The following FNDC3B variants were observed in gnomAD, a reference collection of about 807,000 sequenced individuals.
FNDC3B encodes fibronectin type III domain-containing protein 3B.
Under a neutral mutation model 151.5 loss-of-function variants are expected in FNDC3B, and 12 were observed. That is an observed-to-expected ratio of 0.08 (90% CI 0.05 to 0.13). The LOEUF (loss-of-function observed/expected upper bound fraction) is 0.13. FNDC3B is among the 10% of genes least tolerant of loss of function. FNDC3B has a pLI of 1.00. For missense variants in FNDC3B, 1,214 were observed against 1,505.3 expected, an observed-to-expected ratio of 0.81 and a Z score of 3.20; for synonymous variants, 528 against 549.0, an observed-to-expected ratio of 0.96 and a Z score of 0.54.
At chr3:172,283,819 A>T (rs1302555279) in intron 6 of FNDC3B, among the ~76,000 whole-genome samples, 3 of 152,190 alleles carry the variant, frequency 2.0e-5, no homozygotes, top group African/African-American at 7.2e-5. Context: ...ATGTGAGGGT[A>T]TGTCAACTTT....
chr3:172,341,726 G>C (rs574087662), intron 17 of FNDC3B, among the ~76,000 whole-genome samples: 1 of 152,314 alleles, frequency 6.6e-6, no homozygotes, highest in South Asian at 2.1e-4. Flanking sequence ...ACTGAGCTGA[G>C]TGGCACCTCC....
At chr3:172,266,867 G>C (rs928681955) in intron 6 of FNDC3B, among the ~76,000 whole-genome samples, 1 of 152,122 alleles carries the variant, frequency 6.6e-6, no homozygotes, top group Non-Finnish European at 1.5e-5. Flanking sequence ...ACTATTCCTT[G>C]CAGGGTAACA....
At chr3:172,071,051 T>C (rs1717753577) in intron 1 of FNDC3B, among the ~76,000 whole-genome samples, 1 of 152,200 alleles carries the variant, frequency 6.6e-6, no homozygotes, top group Non-Finnish European at 1.5e-5. Context: ...TTTTCTTATA[T>C]GTGGAAAAAA....
At chr3:172,365,633 A>G (rs904027228) in intron 23 of FNDC3B, among the ~76,000 whole-genome samples, 2 of 152,216 alleles carry the variant, frequency 1.3e-5, no homozygotes, top group African/African-American at 4.8e-5. Flanking sequence ...TTTCCCATCT[A>G]TTCTGGCTTA....
At chr3:172,299,782 C>T (rs1246579115) in intron 9 of FNDC3B, among the ~76,000 whole-genome samples, 1 of 152,046 alleles carries the variant, frequency 6.6e-6, no homozygotes, top group East Asian at 1.9e-4. Flanking sequence ...GTAGGAAGAG[C>T]GTATATGAAT....
chr3:172,351,796 G>A (rs1438913215), intron 21 of FNDC3B, among the ~76,000 whole-genome samples: 2 of 152,186 alleles, frequency 1.3e-5, no homozygotes, highest in African/African-American at 4.8e-5. Flanking sequence ...TGACTTGAGT[G>A]CTCTGAAGGA....
rs146422153 is a variant in FNDC3B, at chr3:172,234,133, A to T, written c.264+7186A>T. Among the ~76,000 whole-genome samples, 554 of 152,154 alleles carry T rather than the reference A, an allele frequency of 3.6e-3. 3 individuals are homozygous for T. Among genetic ancestry groups the T allele is most frequent in the African/African-American group, 0.013 (523 of 41,502 alleles). ...TTGATTTCTTTCCTTTGTTTCTGTG[A>T]TCCCGGCATCGTGACATAATAGAAC... On this transcript the variant is annotated intron_variant, in intron 4 of 25. Transcript: ENST00000415807.
At position 172,049,854 on chromosome 3, in the gene FNDC3B, G is replaced by T. The variant is rs185908821; in HGVS notation, c.-29+10083G>T. On this transcript the variant is annotated intron_variant, in intron 1 of 25. Coordinates refer to ENST00000415807, the MANE Select transcript of FNDC3B (RefSeq NM_022763.4). ...ACCTTTAAACATTTTATTCATTCTT[G>T]ACATCATTAGTACTGTGGAAAAACT... is the stretch of plus-strand genomic sequence containing the variant. 5.3e-5 allele frequency among the ~76,000 whole-genome samples: 8 copies of T among 152,214 alleles called. No individual in the cohort carries two copies. The South Asian group carries it at 8.3e-4, about 16-fold the overall frequency.
At chr3:172,313,234 C>G (rs1731609624) in intron 11 of FNDC3B, among the ~76,000 whole-genome samples, 1 of 152,146 alleles carries the variant, frequency 6.6e-6, no homozygotes, top group Admixed American at 6.5e-5. Context: ...CATCTCCTGC[C>G]CCCTCAATTC....
chr3:172,145,315 G>T (rs1721847155), intron 3 of FNDC3B, among the ~76,000 whole-genome samples: 1 of 152,184 alleles, frequency 6.6e-6, no homozygotes, highest in Non-Finnish European at 1.5e-5. Flanking sequence ...AAAAAAAAGA[G>T]TGGAAACTTA....
intron 6 of FNDC3B, among the ~76,000 whole-genome samples, chr3:172,268,028 A>G (rs1383434649): frequency 6.6e-6 from 1 of 152,172 alleles, no homozygotes. Context: ...TTGTGTTTTT[A>G]ATAATTATTG....
chr3:172,123,981 G>A (rs576504537), intron 2 of FNDC3B, among the ~76,000 whole-genome samples: 213 of 152,176 alleles, frequency 1.4e-3, no homozygotes, highest in African/African-American at 5.0e-3. Flanking sequence ...TTCATAGATC[G>A]GTGTCCACAT....
intron 1 of FNDC3B, among the ~76,000 whole-genome samples, chr3:172,063,646 CA>C (rs1295759672): frequency 1.3e-5 from 2 of 152,164 alleles, no homozygotes; most frequent in Non-Finnish European, 2.9e-5. Context: ...TCAGGACATT[CA>C]GATGCCATTA....
chr3:172,070,323 G>C (rs1356372970), intron 1 of FNDC3B, among the ~76,000 whole-genome samples: 1 of 152,064 alleles, frequency 6.6e-6, no homozygotes, highest in African/African-American at 2.4e-5. Context: ...TAAAAAATAG[G>C]GTACATCTTG....
chr3:172,364,970 A>G (rs532709184), intron 23 of FNDC3B, among the ~76,000 whole-genome samples: 2 of 152,314 alleles, frequency 1.3e-5, no homozygotes, highest in South Asian at 4.1e-4. Flanking sequence ...TTCTCATTCT[A>G]TTTGTGAATA....
intron 4 of FNDC3B, among the ~76,000 whole-genome samples, chr3:172,247,028 T>C (rs1727815827): frequency 6.6e-6 from 1 of 152,206 alleles, no homozygotes; most frequent in Non-Finnish European, 1.5e-5. Flanking sequence ...CTTTGTTTCC[T>C]AAAGCCCTGA....
chr3:172,342,760 C>A (rs1174130608), intron 17 of FNDC3B, among the ~76,000 whole-genome samples: 1 of 152,112 alleles, frequency 6.6e-6, no homozygotes, highest in African/African-American at 2.4e-5. Flanking sequence ...GTCTGCTAAT[C>A]TAACTTCAAA....
At chr3:172,172,166 C>T (rs570989357) in intron 3 of FNDC3B, among the ~76,000 whole-genome samples, 9 of 152,192 alleles carry the variant, frequency 5.9e-5, no homozygotes, top group Admixed American at 3.3e-4. Context: ...CAGATGATGG[C>T]GTAAGGGGTT....
At chr3:172,245,924 T>G (rs562463074) in intron 4 of FNDC3B, among the ~76,000 whole-genome samples, 1 of 152,328 alleles carries the variant, frequency 6.6e-6, no homozygotes, top group Admixed American at 6.5e-5. Flanking sequence ...AATGTAAAGA[T>G]TTCTGTTTTT....
Sources: gnomAD v4.1 joint callset for allele counts (sites outside exome capture counted in the v4.1 genomes callset) on GRCh38, gnomAD v4.1.1 for gene constraint, MANE v1.5 for transcripts, NCBI Gene and HGNC (gene_info 2026-07-23, HGNC 2026-07-21) for gene names.